Variants in COPS3 observed in about 807,000 individuals in gnomAD.
The protein encoded by COPS3 is COP9 signalosome subunit 3, also known as COP9 signalosome complex subunit 3.
Under a neutral mutation model 58.2 loss-of-function variants are expected in COPS3, and 10 were observed. That is an observed-to-expected ratio of 0.17 (90% confidence interval 0.11 to 0.29). The LOEUF (loss-of-function observed/expected upper bound fraction) is 0.29, where lower values mean the gene tolerates loss of function less well. Ranked by LOEUF, COPS3 falls within the 10% of genes least tolerant of loss-of-function variation. COPS3 has a pLI of 1.00. For synonymous variants in COPS3, 187 were observed against 181.7 expected, an observed-to-expected ratio of 1.03 and a Z score of -0.24; for missense variants, 333 against 510.1, an observed-to-expected ratio of 0.65 and a Z score of 3.34.
Position 17,246,995 on chromosome 17 carries a change from A to G in COPS3, c.*103T>C, listed in dbSNP as rs1374271569. 3.1e-6 allele frequency: 3 copies of G among 976,328 alleles called. No homozygotes were observed. The highest frequency in any genetic ancestry group is 5.0e-6 in the Non-Finnish European group (3 of 603,742). The allele number at this position is 976,328 out of a possible 1,614,324, so 60.5% of individuals were successfully genotyped here. A position where few individuals can be genotyped will look rare whatever the true frequency, so the allele number is the denominator to read the frequency against. On this transcript the variant is annotated 3_prime_UTR_variant, in exon 12 of 12. Coordinates refer to ENST00000268717, the MANE Select transcript of COPS3 (RefSeq NM_003653.4). ...ATGTCAAAACAAAACTTAATTTCTT[A>G]GTCTCCAGGTGACACAGGCTTGGTC...
Position 17,267,771 on chromosome 17 carries a change from A to G in COPS3, c.441+114T>C, listed in dbSNP as rs16961495. On this transcript the variant is annotated intron_variant, in intron 5 of 11. Coordinates refer to ENST00000268717, the MANE Select transcript of COPS3 (RefSeq NM_003653.4). Reference sequence around the variant, plus strand: ...GATGTACCTACATATTCCAACTTCTATAACACATCACAATATCGCCAACTT... The same window carrying G: ...GATGTACCTACATATTCCAACTTCTGTAACACATCACAATATCGCCAACTT... 17,164 of 1,049,372 alleles carry G rather than the reference A, an allele frequency of 0.016. 1,162 individuals carry two copies. In the African/African-American group the frequency reaches 0.17, roughly 11 times the overall value. The allele number at this position is 1,049,372 out of a possible 1,614,324, so 65.0% of individuals were successfully genotyped here.
At chr17:17,275,453 G>A (rs1345157300) in intron 2 of COPS3, among the ~76,000 whole-genome samples, 4 of 151,682 alleles carry the variant, frequency 2.6e-5, no homozygotes, top group South Asian at 2.1e-4. Flanking sequence ...ACAGTGGCGC[G>A]ACCTTGGCTC....
At chr17:17,280,913 G>A (rs906166242) in intron 1 of COPS3, 15 of 907,670 alleles carry the variant, frequency 1.7e-5, no homozygotes, top group African/African-American at 1.0e-4. Flanking sequence ...CGGCCCGAGG[G>A]AGGGGAGGCC....
intron 6 of COPS3, among the ~76,000 whole-genome samples, chr17:17,263,282 C>T (rs1275712596): frequency 5.6e-5 from 6 of 107,168 alleles, no homozygotes; most frequent in Admixed American, 1.9e-4. Context: ...AGCAAGACTC[C>T]ATTTCAAAAA....
chr17:17,270,576 C>A (rs961046762), intron 4 of COPS3, among the ~76,000 whole-genome samples, 182 bp downstream of exon 4: 1 of 152,000 alleles, frequency 6.6e-6, no homozygotes, highest in African/African-American at 2.4e-5. Flanking sequence ...CGTGCCTCCA[C>A]CTCATTCAGG....
chr17:17,258,722 C>T (rs1240337654), intron 8 of COPS3, among the ~76,000 whole-genome samples: 2 of 152,064 alleles, frequency 1.3e-5, no homozygotes, highest in African/African-American at 4.8e-5. Flanking sequence ...AATTAGGCTG[C>T]TTGTTATTTA....
At chr17:17,257,520 G>A (rs772093552) in intron 8 of COPS3, among the ~76,000 whole-genome samples, 7 of 151,978 alleles carry the variant, frequency 4.6e-5, no homozygotes, top group South Asian at 2.1e-4. Context: ...CTACTAGGCC[G>A]GGCGTGGTGG....
intron 6 of COPS3, among the ~76,000 whole-genome samples, chr17:17,264,054 C>T (rs1407762104): frequency 6.6e-6 from 1 of 152,228 alleles, no homozygotes; most frequent in Admixed American, 6.5e-5. Flanking sequence ...CTCAGGTCCC[C>T]TCAACAGGAC....
chr17:17,264,681 G>A lies in COPS3; in HGVS notation c.621+121C>T, dbSNP rs1249263620. ...ACATGATCACAGAGAAGTAGTCTCT[G>A]AAAGGACCAACACCTGAAACGGAGG... On this transcript the variant is annotated intron_variant, in intron 6 of 11. Coordinates refer to ENST00000268717, the MANE Select transcript of COPS3 (RefSeq NM_003653.4). 3 of 746,324 alleles carry A rather than the reference G, an allele frequency of 4.0e-6. No individual in the cohort carries two copies. The Admixed American group carries it at 8.8e-5, about 22-fold the overall frequency. 46.2% of individuals were successfully genotyped at this position (746,324 alleles called of 1,614,324 possible).
At position 17,247,094 on chromosome 17, in the gene COPS3, A is replaced by G. The variant is rs1397787521; in HGVS notation, c.*4T>C. ...TCTTGTTTAGCTCAGGATGGATGTTAGTTTCAAGAATAACTGGATGGTTTG... is the reference window on the plus strand; with the variant it reads ...TCTTGTTTAGCTCAGGATGGATGTTGGTTTCAAGAATAACTGGATGGTTTG... On this transcript the variant is annotated 3_prime_UTR_variant, in exon 12 of 12. Transcript: ENST00000268717. 2 of 1,612,840 alleles carry G rather than the reference A, an allele frequency of 1.2e-6. No individual in the cohort carries two copies. Among genetic ancestry groups the G allele is most frequent in the Non-Finnish European group, 1.7e-6 (2 of 1,178,904 alleles).
At chr17:17,260,237 G>C in intron 8 of COPS3, 64 bp downstream of exon 8, 1 of 1,506,104 alleles carries the variant, frequency 6.6e-7, no homozygotes, top group Non-Finnish European at 9.1e-7. Context: ...TGAAAAGGGA[G>C]AGAAAGGGAA....
At chr17:17,259,537 T>C (rs78042359) in intron 8 of COPS3, among the ~76,000 whole-genome samples, 4,750 of 152,286 alleles carry the variant, frequency 0.031, 116 homozygotes, top group Middle Eastern at 0.068. Context: ...TAGAAGTCAA[T>C]TGCACAAAGT....
intron 6 of COPS3, among the ~76,000 whole-genome samples, chr17:17,263,346 G>A (rs900925705): frequency 3.3e-5 from 5 of 150,888 alleles, no homozygotes; most frequent in Non-Finnish European, 7.4e-5. Flanking sequence ...GATTACAGGC[G>A]CCTGCTGCCA....
chr17:17,247,754 C>A (rs1469077220), intron 10 of COPS3, 194 bp from the exon 11 acceptor site: 7 of 506,176 alleles, frequency 1.4e-5, no homozygotes, highest in Non-Finnish European at 2.5e-5. Context: ...TACCAAATAT[C>A]CCACCCAGCA....
At chr17:17,265,137 A>G (rs2048192370) in intron 5 of COPS3, among the ~76,000 whole-genome samples, 156 bp from the exon 6 acceptor site, 2 of 152,202 alleles carry the variant, frequency 1.3e-5, no homozygotes, top group South Asian at 2.1e-4. Flanking sequence ...CATTTCATGT[A>G]TCTGCTATCT....
intron 9 of COPS3, among the ~76,000 whole-genome samples, chr17:17,250,797 G>C (rs1382303212): frequency 6.6e-6 from 1 of 152,186 alleles, no homozygotes; most frequent in Non-Finnish European, 1.5e-5. Context: ...CTTTGGAAGG[G>C]ATAGATGCTA....
intron 4 of COPS3, among the ~76,000 whole-genome samples, chr17:17,269,254 G>A (rs1409345559): frequency 1.3e-5 from 2 of 152,008 alleles, no homozygotes; most frequent in African/African-American, 4.8e-5. Flanking sequence ...GTGAAACCCT[G>A]TCTCTACTAA....
chr17:17,261,773 C>T (rs1264496985), intron 7 of COPS3, 193 bp downstream of exon 7: 6 of 514,504 alleles, frequency 1.2e-5, no homozygotes, highest in Middle Eastern at 2.8e-4. Flanking sequence ...AGTTTGAAAA[C>T]GGGTTCCTGA....
chr17:17,275,510 G>C (rs941392112), intron 2 of COPS3, among the ~76,000 whole-genome samples: 2 of 152,244 alleles, frequency 1.3e-5, no homozygotes, highest in Admixed American at 6.5e-5. Flanking sequence ...TTTTAAAAAT[G>C]ATAAAGTTGA....
Sources: allele counts gnomAD v4.1 joint callset (sites outside exome capture counted in the v4.1 genomes callset), GRCh38; gene constraint gnomAD v4.1.1; transcripts MANE v1.5; gene names NCBI Gene and HGNC (gene_info 2026-07-23, HGNC 2026-07-21).